The following FEZF1 variants were observed in gnomAD, a reference collection of about 807,000 sequenced individuals.
FEZF1 encodes the protein fez family zinc finger protein 1.
In FEZF1, 8 loss-of-function variants were observed where a neutral mutation model predicts 32.4. The observed-to-expected ratio is 0.25, with a 90% CI of 0.15 to 0.45. FEZF1 has a LOEUF of 0.45. Among genes scored for constraint, FEZF1 ranks in the 20% least tolerant of loss-of-function variants. The pLI is 1.00. For synonymous variants in FEZF1, 259 were observed against 265.2 expected, an observed-to-expected ratio of 0.98 and a Z score of 0.23; for missense variants, 546 against 622.3, an observed-to-expected ratio of 0.88 and a Z score of 1.31.
In FEZF1 at chr7:122,302,097, G is replaced by A. The variant is rs746077863; in HGVS notation, c.1328C>T (p.Pro443Leu). The change falls in exon 4 of 4, where the codon CCC (proline) becomes CTC (leucine). Residue 443 changes from proline to leucine, a missense_variant. Pro to Leu is a moderately conservative substitution (Grantham distance 98). Coordinates refer to ENST00000442488, the MANE Select transcript of FEZF1 (RefSeq NM_001024613.4). The surrounding 1 kb of genome is among the most constrained non-coding windows in gnomAD (Gnocchi z 4.4). ...CATCGGCGGCTGCTGCGGTAGCGGG[G>A]GCGGCGGTTCAGTGCCTGGTTCGCC... is the stretch of plus-strand genomic sequence containing the variant. The part of the protein sequence containing the change: ...PAGEPGTEPP[P>L]PLPQQPPMTL... 11 of 1,611,308 alleles carry A rather than the reference G, an allele frequency of 6.8e-6. No individual in the cohort carries two copies. In the East Asian group the frequency reaches 2.0e-4, roughly 29 times the overall value.
chr7:122,304,138 C>A lies in FEZF1; in HGVS notation c.300G>T (p.Leu100=), dbSNP rs759624597. 6.2e-7 allele frequency: 1 copy of A among 1,603,032 alleles called. No homozygotes were observed. The highest frequency in any genetic ancestry group is 8.5e-7 in the Non-Finnish European group (1 of 1,173,526). ...VTGSEPRKAS[L]EAPAAPAAVP... ...CCGCCGCGGGCGCCGCCGGGGCCTC[C>A]AGACTGGCCTTCCGCGGCTCGGAGC... Residue 100 remains leucine (L), a synonymous_variant, in exon 1 of 4, where the codon CTG becomes CTT. Coordinates refer to ENST00000442488, the MANE Select transcript of FEZF1 (RefSeq NM_001024613.4).
rs1344895815 is a variant in FEZF1 at position 122,304,488 on chromosome 7, C to T, written c.-51G>A. On this transcript the variant is annotated 5_prime_UTR_variant, in exon 1 of 4. Coordinates refer to ENST00000442488, the MANE Select transcript of FEZF1 (RefSeq NM_001024613.4). The stretch of plus-strand genomic sequence containing the variant: ...CGGGGCTGGGTTGCGCCGTCCGTTG[C>T]CTTGTTCCCTGCTTGTCACAGACCT... 1.4e-6 allele frequency: 2 copies of T among 1,469,638 alleles called. No homozygotes were observed. The highest frequency in any genetic ancestry group is 2.1e-5 in the Admixed American group (1 of 48,072). The allele number at this position is 1,469,638 out of a possible 1,614,324, so 91.0% of individuals were successfully genotyped here. A position where few individuals can be genotyped will look rare whatever the true frequency, so the allele number is the denominator to read the frequency against.
chr7:122,301,627 G>A lies in FEZF1; in HGVS notation c.*370C>T. 1 of 199,508 alleles carries A rather than the reference G, an allele frequency of 5.0e-6. No homozygotes were observed. The highest frequency in any genetic ancestry group is 9.9e-6 in the Non-Finnish European group (1 of 100,844). 12.4% of individuals were successfully genotyped at this position (199,508 alleles called of 1,614,324 possible). A position where few individuals can be genotyped will look rare whatever the true frequency, so the allele number is the denominator to read the frequency against. ...TAAAATGATGCAGCATTCCCGGGTA[G>A]AATAATACAGATCTCAATAAATATA... On this transcript the variant is annotated 3_prime_UTR_variant, in exon 4 of 4. Transcript: ENST00000442488.
chr7:122,302,722 C>T lies in FEZF1; in HGVS notation c.1069+77G>A, dbSNP rs2031090032. 4 of 1,516,772 alleles carry T rather than the reference C, an allele frequency of 2.6e-6. No individual in the cohort carries two copies. Among genetic ancestry groups the T allele is most frequent in the East Asian group, 2.3e-5 (1 of 44,338 alleles). 94.0% of individuals were successfully genotyped at this position (1,516,772 alleles called of 1,614,324 possible). ...CACATAACTACACTTTAAACATCGT[C>T]TTCTAAAACATCCCGAAAGTATTAA... On this transcript the variant is annotated intron_variant, in intron 3 of 3. Transcript: ENST00000442488. This position sits in a 1 kb window ranked among gnomAD's most constrained non-coding sequence, Gnocchi z 4.4.
rs765509411 is a variant in FEZF1, at chr7:122,302,053, G to A, written c.1372C>T (p.Pro458Ser). Residue 458 changes from proline (P) to serine (S), a missense_variant, in exon 4 of 4, where the codon CCG (proline) becomes TCG (serine). Transcript: ENST00000442488. This position sits in a 1 kb window ranked among gnomAD's most constrained non-coding sequence, Gnocchi z 4.4. ...QPPMTLPPLQ[P>S]PLPTPGPLQP... is the part of the protein sequence containing the mutation. ...AGGGGCCCCGGGGTTGGCAGCGGCG[G>A]CTGCAGAGGAGGCAGCGTCATCGGC... is the stretch of plus-strand genomic sequence containing the variant. 3 of 1,604,180 alleles carry A rather than the reference G, an allele frequency of 1.9e-6. No homozygotes were observed. The highest frequency in any genetic ancestry group is 2.5e-6 in the Non-Finnish European group (3 of 1,178,370).
chr7:122,306,426 T>A (rs2031283345), upstream of FEZF1: 1 of 152,190 alleles, frequency 6.6e-6, no homozygotes, highest in African/African-American at 2.4e-5. Flanking sequence ...CCTGAGCAAT[T>A]TCACTCAAAG....
rs1584959941 is a variant in FEZF1, at chr7:122,303,529, GGAAGGAA to G, written c.801+101_801+107del. On this transcript the variant is annotated intron_variant, in intron 1 of 3. Transcript: ENST00000442488. ...AGGAAGGAAGGAAGGAAGGAAGGAA[GGAAGGAA>G]GGAGGGAGGGAAGGAAGGAGGGAAG... 1,605 of 379,200 alleles carry G rather than the reference GGAAGGAA, an allele frequency of 4.2e-3. 38 individuals are homozygous for G. Among genetic ancestry groups the G allele is most frequent in the African/African-American group, 0.026 (904 of 34,296 alleles). The allele number at this position is 379,200 out of a possible 1,614,324, so 23.5% of individuals were successfully genotyped here.
Position 122,301,451 on chromosome 7 carries a change from A to G in FEZF1, c.*546T>C, listed in dbSNP as rs2031026970. The G allele has an allele frequency of 6.6e-6, 1 of 152,360 alleles. No individual in the cohort carries two copies. The highest frequency in any genetic ancestry group is 2.4e-5 in the African/African-American group (1 of 41,452). The allele number at this position is 152,360 out of a possible 1,614,324, so 9.4% of individuals were successfully genotyped here. Reference sequence around the variant, plus strand: ...TATGGGTGTGTGCTCACGAATGTGGAATGTACCCCTATGGGCGCACACATC... The same window carrying G: ...TATGGGTGTGTGCTCACGAATGTGGGATGTACCCCTATGGGCGCACACATC... On this transcript the variant is annotated 3_prime_UTR_variant, in exon 4 of 4. Transcript: ENST00000442488.
upstream of FEZF1, chr7:122,305,828 C>T (rs143944199): frequency 0.016 from 2,389 of 152,412 alleles, 27 homozygotes; most frequent in Non-Finnish European, 0.026. Flanking sequence ...TCCACAGGTG[C>T]ACTTGTGCCT....
rs2031106534 is a variant in FEZF1 at position 122,303,169 on chromosome 7, G to A, written c.936+8C>T. On this transcript the variant is annotated splice_region_variant and intron_variant, in intron 2 of 3. Transcript: ENST00000442488. ...CAAACTAGGTGAAATTGAGACAGAT[G>A]AACACACCTGCGTGTGAATGATCTT... 9 of 1,614,116 alleles carry A rather than the reference G, an allele frequency of 5.6e-6. No homozygotes were observed. Among genetic ancestry groups the A allele is most frequent in the Non-Finnish European group, 7.6e-6 (9 of 1,180,026 alleles).
In FEZF1 at chr7:122,303,259, G is replaced by T. The variant is rs2031108956; in HGVS notation, c.854C>A (p.Ala285Asp). 6.2e-7 allele frequency: 1 copy of T among 1,614,144 alleles called. No individual in the cohort carries two copies. The highest frequency in any genetic ancestry group is 8.5e-7 in the Non-Finnish European group (1 of 1,180,012). Residue 285 changes from alanine (A) to aspartate (D), a missense_variant, in exon 2 of 4, where the codon GCC (alanine) becomes GAC (aspartate). Transcript: ENST00000442488. ...LTRHMPVHTG[A>D]RPFVCKVCGK... ...GCACACTTTGCAAACGAAGGGTCTGGCTCCTGTGTGCACTGGCATGTGACG... is the reference window on the plus strand; with the variant it reads ...GCACACTTTGCAAACGAAGGGTCTGTCTCCTGTGTGCACTGGCATGTGACG...
chr7:122,303,498 GAA>G, intron 1 of FEZF1, 137 bp downstream of exon 1: 2 of 508,326 alleles, frequency 3.9e-6, no homozygotes, highest in South Asian at 2.6e-5. Flanking sequence ...AGGAAGGAAG[GAA>G]GGAAGGAAGG....
rs1337244482 is a variant in FEZF1, at chr7:122,304,738, G to C, written c.-301C>G. 1.9e-5 allele frequency: 7 copies of C among 359,438 alleles called. No homozygotes were observed. The highest frequency in any genetic ancestry group is 2.1e-5 in the Non-Finnish European group (4 of 192,204). 22.3% of individuals were successfully genotyped at this position (359,438 alleles called of 1,614,324 possible). A position where few individuals can be genotyped will look rare whatever the true frequency, so the allele number is the denominator to read the frequency against. On this transcript the variant is annotated 5_prime_UTR_variant, in exon 1 of 4. Coordinates refer to ENST00000442488, the MANE Select transcript of FEZF1 (RefSeq NM_001024613.4). ...CTCGCCAATCGTTAACTTCCAAGAGGAGAAGGTAAACTAGATAATTGCTCA... is the reference window on the plus strand; with the variant it reads ...CTCGCCAATCGTTAACTTCCAAGAGCAGAAGGTAAACTAGATAATTGCTCA...
chr7:122,310,290 T>C (rs2031387450), exon 1 of FEZF1: 1 of 94,588 alleles, frequency 1.1e-5, no homozygotes, highest in Non-Finnish European at 2.6e-5. Flanking sequence ...TGGCGCCCCC[T>C]GCCCCCGGCT....
upstream of FEZF1, chr7:122,305,448 C>T (rs899636166): frequency 6.6e-6 from 1 of 152,178 alleles, no homozygotes; most frequent in Non-Finnish European, 1.5e-5. Flanking sequence ...AAAGGCAATG[C>T]CCGCGGCAAT....
chr7:122,305,890 C>G (rs1057515085), upstream of FEZF1: 50 of 152,328 alleles, frequency 3.3e-4, no homozygotes, highest in African/African-American at 1.2e-3. Flanking sequence ...CCCAGCCGAA[C>G]ACCCGCCGGG....
In FEZF1 at chr7:122,303,856, T is replaced by C. The variant is rs1428335007; in HGVS notation, c.582A>G (p.Pro194=). 1.9e-6 allele frequency: 3 copies of C among 1,614,116 alleles called. No homozygotes were observed. The African/African-American group carries it at 4.0e-5, about 22-fold the overall frequency. Residue 194 remains proline (P), a synonymous_variant, in exon 1 of 4, where the codon CCA becomes CCG. Transcript: ENST00000442488. ...YFLSSPLHPQ[P]KTYLAERNKL... ...TATTCCTTTCGGCTAAATACGTTTT[T>C]GGCTGCGGGTGCAAAGGGGAACTGA...
Position 122,304,070 on chromosome 7 carries a change from C to T in FEZF1, c.368G>A (p.Cys123Tyr), listed in dbSNP as rs1172830506. 6.4e-7 allele frequency: 1 copy of T among 1,564,252 alleles called. No individual in the cohort carries two copies. The highest frequency in any genetic ancestry group is 8.6e-7 in the Non-Finnish European group (1 of 1,157,166). ...CAGGTCGCCCTTGAGACTCAGTGCGCAGTTGAGCAGGTCGCTGCAGCTGAA... is the reference window on the plus strand; with the variant it reads ...CAGGTCGCCCTTGAGACTCAGTGCGTAGTTGAGCAGGTCGCTGCAGCTGAA... ...PAFSCSDLLN[C>Y]ALSLKGDLAR... The change falls in exon 1 of 4, where the codon TGC becomes TAC. Residue 123 changes from cysteine to tyrosine, a missense_variant. By Grantham distance (194) the Cys-to-Tyr change is radical. Coordinates refer to ENST00000442488, the MANE Select transcript of FEZF1 (RefSeq NM_001024613.4).
Position 122,304,491 on chromosome 7 carries a change from T to A in FEZF1, c.-54A>T. ...GGCTGGGTTGCGCCGTCCGTTGCCTTGTTCCCTGCTTGTCACAGACCTGCG... is the reference window on the plus strand; with the variant it reads ...GGCTGGGTTGCGCCGTCCGTTGCCTAGTTCCCTGCTTGTCACAGACCTGCG... On this transcript the variant is annotated 5_prime_UTR_variant, in exon 1 of 4. Coordinates refer to ENST00000442488, the MANE Select transcript of FEZF1 (RefSeq NM_001024613.4). 6.8e-7 allele frequency: 1 copy of A among 1,461,062 alleles called. No homozygotes were observed. Among genetic ancestry groups the A allele is most frequent in the Middle Eastern group, 1.9e-4 (1 of 5,396 alleles). The allele number at this position is 1,461,062 out of a possible 1,614,324, so 90.5% of individuals were successfully genotyped here. A position where few individuals can be genotyped will look rare whatever the true frequency, so the allele number is the denominator to read the frequency against.
Sources: allele counts gnomAD v4.1 joint callset, GRCh38; gene constraint gnomAD v4.1.1; non-coding constraint Gnocchi (gnomAD v3.1); transcripts MANE v1.5; gene names NCBI Gene and HGNC (gene_info 2026-07-23, HGNC 2026-07-21).